DNAH6: variants seen among roughly 807,000 people sequenced by gnomAD.
The protein encoded by DNAH6 is dynein axonemal heavy chain 6.
DNAH6 carries 340 observed loss-of-function variants against 491.4 expected under a neutral mutation model. That is an observed-to-expected ratio of 0.69 (90% confidence interval 0.63 to 0.76). The LOEUF (loss-of-function observed/expected upper bound fraction) is 0.76, where lower values mean the gene tolerates loss of function less well. Among genes scored for constraint, DNAH6 ranks in the 30% least tolerant of loss-of-function variants. The pLI is 0.00. For missense variants in DNAH6, 4,443 were observed against 4,972.2 expected, an observed-to-expected ratio of 0.89 and a Z score of 3.20; for synonymous variants, 1,603 against 1,686.1, an observed-to-expected ratio of 0.95 and a Z score of 1.21.
chr2:84,772,226 G>C (rs780604090), intron 64 of DNAH6, among the ~76,000 whole-genome samples: 1 of 152,006 alleles, frequency 6.6e-6, no homozygotes, highest in African/African-American at 2.4e-5. Flanking sequence ...TATAGTAAAA[G>C]AAATCAGCAG....
chr2:84,547,487 T>C lies in DNAH6; in HGVS notation c.1066-5T>C. On this transcript the variant is annotated splice_polypyrimidine_tract_variant and splice_region_variant and intron_variant, in intron 6 of 76. Transcript: ENST00000389394. ...CACTAACTGTACATATTCAACAATATCTAGGTGACAGAACGCCTAGGAGAA... is the reference window on the plus strand; with the variant it reads ...CACTAACTGTACATATTCAACAATACCTAGGTGACAGAACGCCTAGGAGAA... 1 of 1,551,650 alleles carries C rather than the reference T, an allele frequency of 6.4e-7. No homozygotes were observed. The highest frequency in any genetic ancestry group is 8.7e-7 in the Non-Finnish European group (1 of 1,146,912).
chr2:84,719,901 C>T (rs894423489), intron 59 of DNAH6, among the ~76,000 whole-genome samples: 1 of 150,482 alleles, frequency 6.6e-6, no homozygotes, highest in Non-Finnish European at 1.5e-5. Flanking sequence ...CACACACAGA[C>T]ACACACACAC....
chr2:84,677,470 T>C (rs1408074876), intron 41 of DNAH6, among the ~76,000 whole-genome samples: 12 of 152,322 alleles, frequency 7.9e-5, no homozygotes, highest in Non-Finnish European at 1.5e-5. Flanking sequence ...GCCCCTGCCT[T>C]TGTGCTCATC....
the DNAH6 span, among the ~76,000 whole-genome samples, chr2:84,473,825 G>A: frequency 5.3e-5 from 8 of 152,168 alleles, no homozygotes; most frequent in Non-Finnish European, 1.2e-4. Context: ...CATATCTACA[G>A]CCTTTTCTAA....
chr2:84,713,802 A>G (rs757531009), intron 57 of DNAH6, among the ~76,000 whole-genome samples: 1 of 152,176 alleles, frequency 6.6e-6, no homozygotes, highest in Non-Finnish European at 1.5e-5. Flanking sequence ...GAACAAGACA[A>G]CACTAGAGAA....
chr2:84,506,665 T>A, the DNAH6 span, among the ~76,000 whole-genome samples: 2 of 146,532 alleles, frequency 1.4e-5, no homozygotes, highest in African/African-American at 5.1e-5. Context: ...CTGAATGGTA[T>A]TGCCTAGGTT....
chr2:84,623,849 G>C (rs1687617857), intron 26 of DNAH6, among the ~76,000 whole-genome samples: 1 of 152,150 alleles, frequency 6.6e-6, no homozygotes, highest in Admixed American at 6.5e-5. Flanking sequence ...GAATATTAAT[G>C]GGAAAACCAC....
At chr2:84,654,825 A>C in intron 35 of DNAH6, 43 bp downstream of exon 35, 1 of 1,545,422 alleles carries the variant, frequency 6.5e-7, no homozygotes, top group Non-Finnish European at 8.8e-7. Context: ...ATCTGTCAGG[A>C]CTCATGTTGC....
At chr2:84,737,080 G>C (rs1435989627) in intron 62 of DNAH6, among the ~76,000 whole-genome samples, 1 of 152,024 alleles carries the variant, frequency 6.6e-6, no homozygotes, top group African/African-American at 2.4e-5. Flanking sequence ...CGTCTATTGA[G>C]GTGATCATAT....
chr2:84,701,199 G>T lies in DNAH6; in HGVS notation c.7921G>T (p.Val2641Phe), dbSNP rs547686275. 2 of 1,551,640 alleles carry T rather than the reference G, an allele frequency of 1.3e-6. No homozygotes were observed. The highest frequency in any genetic ancestry group is 1.7e-6 in the Non-Finnish European group (2 of 1,146,992). Residue 2641 changes from valine (V) to phenylalanine (F), a missense_variant, in exon 49 of 77, where the codon GTT (valine) becomes TTT (phenylalanine). Around this residue, in one of 3 missense-constraint regions of DNAH6, gnomAD observed 2,977 missense variants for 3,296.6 expected, o/e 0.90. Transcript: ENST00000389394. ...AAAGCTTCCCTTGATGTGCGTGAACGTTCACTTGAGTGTCTCCAGCATGGC... is the reference window on the plus strand; with the variant it reads ...AAAGCTTCCCTTGATGTGCGTGAACTTTCACTTGAGTGTCTCCAGCATGGC... ...KEKLPLMCVN[V>F]HLSVSSMAER...
In DNAH6 at chr2:84,525,960, CCTT is replaced by C. The variant is rs1257605556; in HGVS notation, c.399+226_399+228del. ...TCACCATCTGTACAGTGCCTTCTGA[CCTT>C]CTTTTGTATGATAAAGAAGATATAA... On this transcript the variant is annotated intron_variant, in intron 3 of 76. Coordinates refer to ENST00000389394, the MANE Select transcript of DNAH6 (RefSeq NM_001370.2). Among the ~76,000 whole-genome samples, 17 of 152,092 alleles carry C rather than the reference CCTT, an allele frequency of 1.1e-4. 1 individual carries two copies. Among genetic ancestry groups the C allele is most frequent in the Admixed American group, 1.1e-3 (17 of 15,252 alleles).
chr2:84,605,074 G>A (rs1407173441), intron 19 of DNAH6, among the ~76,000 whole-genome samples: 2 of 152,130 alleles, frequency 1.3e-5, no homozygotes, highest in Non-Finnish European at 2.9e-5. Flanking sequence ...CAGGCCAGGC[G>A]TGGTGGCTCA....
Position 84,796,412 on chromosome 2 carries a change from A to G in DNAH6, c.11346A>G (p.Lys3782=). 2.6e-6 allele frequency: 4 copies of G among 1,524,692 alleles called. No individual in the cohort carries two copies. Among genetic ancestry groups the G allele is most frequent in the Middle Eastern group, 1.7e-4 (1 of 5,908 alleles). 94.4% of individuals were successfully genotyped at this position (1,524,692 alleles called of 1,614,324 possible). The change falls in exon 69 of 77, where the codon AAA becomes AAG. Residue 3782 remains lysine (K), a synonymous_variant. Coordinates refer to ENST00000389394, the MANE Select transcript of DNAH6 (RefSeq NM_001370.2). ...FSPETLEEDY[K]YSESGIYFAP... ...CTGAAACATTAGAAGAAGATTATAA[A>G]TACTCTGAATCAGGTGAATGACTTT...
At chr2:84,532,353 T>C (rs1677256165) in intron 4 of DNAH6, among the ~76,000 whole-genome samples, 1 of 152,182 alleles carries the variant, frequency 6.6e-6, no homozygotes, top group South Asian at 2.1e-4. Flanking sequence ...GTTTAGGGTT[T>C]GATGTTGAAT....
At chr2:84,459,892 C>G in the DNAH6 span, 2 of 152,292 alleles carry the variant, frequency 1.3e-5, no homozygotes, top group Admixed American at 6.5e-5. Flanking sequence ...TGACAGTTAA[C>G]TTCTTGGAAT....
intron 68 of DNAH6, among the ~76,000 whole-genome samples, chr2:84,795,627 T>C (rs1678270216): frequency 6.6e-6 from 1 of 152,154 alleles, no homozygotes; most frequent in African/African-American, 2.4e-5. Flanking sequence ...ACTACAGTGG[T>C]GAATGGTGAA....
At chr2:84,657,785 T>C (rs1691117903) in intron 35 of DNAH6, among the ~76,000 whole-genome samples, 2 of 152,136 alleles carry the variant, frequency 1.3e-5, no homozygotes, top group South Asian at 4.1e-4. Flanking sequence ...TACTTCTTCC[T>C]TCCCAATCTG....
chr2:84,502,939 C>T, the DNAH6 span, among the ~76,000 whole-genome samples: 2 of 151,984 alleles, frequency 1.3e-5, no homozygotes, highest in Admixed American at 1.3e-4. Flanking sequence ...CATGTTTTTC[C>T]TTCATTCAGC....
At chr2:84,465,354 G>T in the DNAH6 span, among the ~76,000 whole-genome samples, 2 of 152,098 alleles carry the variant, frequency 1.3e-5, no homozygotes, top group Non-Finnish European at 2.9e-5. Flanking sequence ...AATTAGCCGG[G>T]TGTGGTGGCA....
Sources: allele counts gnomAD v4.1 joint callset (sites outside exome capture counted in the v4.1 genomes callset), GRCh38; gene constraint gnomAD v4.1.1; regional missense constraint gnomAD v4.1.1; transcripts MANE v1.5; gene names NCBI Gene and HGNC (gene_info 2026-07-23, HGNC 2026-07-21).